Variants in AP3B1 observed in about 807,000 individuals in gnomAD.
AP3B1 encodes AP-3 complex subunit beta-1.
A neutral mutation model predicts 132.5 loss-of-function variants in AP3B1; 61 were observed. The ratio of observed to expected loss-of-function variants is 0.46; its 90% CI spans 0.37 to 0.57. The LOEUF (loss-of-function observed/expected upper bound fraction) is 0.57, where lower values mean the gene tolerates loss of function less well. Ranked by LOEUF, AP3B1 falls within the 20% of genes least tolerant of loss-of-function variation. AP3B1 has a pLI of 0.00. For synonymous variants in AP3B1, 388 were observed against 438.3 expected, an observed-to-expected ratio of 0.89 and a Z score of 1.43; for missense variants, 1,120 against 1,289.4, an observed-to-expected ratio of 0.87 and a Z score of 2.01.
chr5:78,268,906 A>G (rs1748439527), intron 1 of AP3B1, among the ~76,000 whole-genome samples: 1 of 152,154 alleles, frequency 6.6e-6, no homozygotes, highest in Non-Finnish European at 1.5e-5. Flanking sequence ...CTTCTCACGT[A>G]TGTCATAAGG....
At chr5:78,078,879 T>C (rs1349089311) in intron 22 of AP3B1, among the ~76,000 whole-genome samples, 1 of 152,242 alleles carries the variant, frequency 6.6e-6, no homozygotes, top group East Asian at 1.9e-4. Flanking sequence ...TCTGCATGTA[T>C]GTTAGAATGC....
At chr5:78,085,583 G>GT (rs1252634910) in intron 22 of AP3B1, among the ~76,000 whole-genome samples, 5 of 152,050 alleles carry the variant, frequency 3.3e-5, no homozygotes. Flanking sequence ...ATTCTGATTT[G>GT]TTATACCATA....
chr5:78,082,944 T>C (rs145737585), intron 22 of AP3B1, among the ~76,000 whole-genome samples: 3,325 of 152,194 alleles, frequency 0.022, 45 homozygotes, highest in Non-Finnish European at 0.033. Context: ...GCCTCCCAAG[T>C]AGCTGGGATT....
chr5:78,137,368 C>A (rs1385376246), intron 15 of AP3B1, among the ~76,000 whole-genome samples: 1 of 152,136 alleles, frequency 6.6e-6, no homozygotes, highest in African/African-American at 2.4e-5. Context: ...AACTTAGGTA[C>A]AATTACTCCC....
chr5:78,050,589 TTACATAAA>T (rs1748539740), intron 22 of AP3B1, among the ~76,000 whole-genome samples: 1 of 152,158 alleles, frequency 6.6e-6, no homozygotes, highest in Non-Finnish European at 1.5e-5. Context: ...GAATTTTCTA[TTACATAAA>T]ATTGTGAACA....
intron 17 of AP3B1, among the ~76,000 whole-genome samples, chr5:78,118,548 T>A (rs771806012): frequency 3.3e-5 from 5 of 152,068 alleles, no homozygotes; most frequent in Non-Finnish European, 7.4e-5. Flanking sequence ...GCTCAGAGGG[T>A]CCTACACCCA....
intron 1 of AP3B1, 54 bp from the exon 2 acceptor site, chr5:78,267,649 C>A: frequency 9.6e-7 from 1 of 1,044,432 alleles, no homozygotes. Flanking sequence ...TATTAGATAG[C>A]TTAAAATATA....
intron 21 of AP3B1, 87 bp from the exon 22 acceptor site, chr5:78,089,586 T>C (rs1323115024): frequency 2.4e-6 from 2 of 847,244 alleles, no homozygotes; most frequent in Non-Finnish European, 4.0e-6. Flanking sequence ...TTAGTAAATC[T>C]AATTAAATTA....
intron 7 of AP3B1, among the ~76,000 whole-genome samples, chr5:78,191,404 C>T (rs1174125941): frequency 6.9e-6 from 1 of 144,280 alleles, no homozygotes; most frequent in Non-Finnish European, 1.5e-5. Flanking sequence ...CAAGAGGAAG[C>T]TGAGAGGCCT....
intron 23 of AP3B1, 70 bp downstream of exon 23, chr5:78,038,973 C>A: frequency 1.1e-6 from 1 of 931,630 alleles, no homozygotes; most frequent in Non-Finnish European, 1.6e-6. Flanking sequence ...AAGTATTCTA[C>A]TTTACTTTTA....
At chr5:78,161,965 T>C (rs898779073) in intron 13 of AP3B1, among the ~76,000 whole-genome samples, 1 of 152,112 alleles carries the variant, frequency 6.6e-6, no homozygotes, top group Non-Finnish European at 1.5e-5. Flanking sequence ...TTTTACCTCA[T>C]GGGCTGCTAT....
chr5:78,255,275 A>G lies in AP3B1; in HGVS notation c.204+12245T>C, dbSNP rs556740556. On this transcript the variant is annotated intron_variant, in intron 2 of 26. Transcript: ENST00000255194. ...TAATAACATTTAACATAAATGGACTAAACTCGCCAATCAGAAAAACAGAGT... is the reference window on the plus strand; with the variant it reads ...TAATAACATTTAACATAAATGGACTGAACTCGCCAATCAGAAAAACAGAGT... 6.6e-5 allele frequency among the ~76,000 whole-genome samples: 10 copies of G among 152,288 alleles called. 1 individual carries two copies. The East Asian group carries it at 1.3e-3, about 21-fold the overall frequency.
At chr5:78,149,659 A>T (rs752036822) in intron 14 of AP3B1, among the ~76,000 whole-genome samples, 1 of 152,172 alleles carries the variant, frequency 6.6e-6, no homozygotes, top group African/African-American at 2.4e-5. Context: ...TATGATCCCC[A>T]TTGTACAGAT....
At chr5:78,153,825 A>T (rs555490806) in intron 14 of AP3B1, among the ~76,000 whole-genome samples, 2 of 152,356 alleles carry the variant, frequency 1.3e-5, no homozygotes, top group East Asian at 3.8e-4. Flanking sequence ...TACACAATCA[A>T]GCAAAAAGGA....
At chr5:78,097,792 T>G (rs1346569708) in intron 21 of AP3B1, among the ~76,000 whole-genome samples, 1 of 152,090 alleles carries the variant, frequency 6.6e-6, no homozygotes, top group East Asian at 1.9e-4. Flanking sequence ...CAACAGCTCA[T>G]TGAGAACGGG....
intron 12 of AP3B1, among the ~76,000 whole-genome samples, chr5:78,163,842 T>C (rs1743500247): frequency 1.3e-5 from 2 of 151,816 alleles, no homozygotes. Flanking sequence ...ATACACACTT[T>C]GTATCATATA....
intron 15 of AP3B1, among the ~76,000 whole-genome samples, chr5:78,132,934 A>G (rs1752750378): frequency 6.6e-6 from 1 of 152,238 alleles, no homozygotes. Flanking sequence ...TAATAAAACA[A>G]ACTTTAGACT....
chr5:78,081,433 G>A (rs1430279822), intron 22 of AP3B1, among the ~76,000 whole-genome samples: 6 of 147,302 alleles, frequency 4.1e-5, no homozygotes, highest in African/African-American at 7.5e-5. Context: ...TCAGCCTCCC[G>A]AGTAGCTGGG....
At chr5:78,223,799 T>G (rs1425459161) in intron 6 of AP3B1, among the ~76,000 whole-genome samples, 1 of 152,222 alleles carries the variant, frequency 6.6e-6, no homozygotes, top group Non-Finnish European at 1.5e-5. Context: ...GTACATATAC[T>G]ATGTGGCAGA....
Sources: gnomAD v4.1 joint callset for allele counts (sites outside exome capture counted in the v4.1 genomes callset) on GRCh38, gnomAD v4.1.1 for gene constraint, MANE v1.5 for transcripts, NCBI Gene and HGNC (gene_info 2026-07-23, HGNC 2026-07-21) for gene names.